Variants in TNS3 observed in about 807,000 individuals in gnomAD.
TNS3 encodes tensin-3.
A neutral mutation model predicts 140.9 loss-of-function variants in TNS3; 45 were observed. The observed-to-expected ratio is 0.32, with a 90% CI of 0.25 to 0.41. The LOEUF is 0.41. Among genes scored for constraint, TNS3 ranks in the 10% least tolerant of loss-of-function variants. TNS3 has a pLI of 1.00. For synonymous variants in TNS3, 815 were observed against 788.4 expected (o/e 1.03, Z -0.56); for missense variants, 1,716 against 1,906.7 (o/e 0.90, Z 1.86).
Position 47,358,378 on chromosome 7 carries a change from C to T in TNS3, c.2281+9987G>A, listed in dbSNP as rs62446283. Among the ~76,000 whole-genome samples, 1,054 of 152,298 alleles carry T rather than the reference C, an allele frequency of 6.9e-3. 12 individuals are homozygous for T. The highest frequency in any genetic ancestry group is 0.024 in the African/African-American group (991 of 41,552). ...AGTCTTGAACTCCTGACCTCGTGAT[C>T]CACCCACCGTGGCCTCTCAAAGTGT... On this transcript the variant is annotated intron_variant, in intron 17 of 30. Transcript: ENST00000311160.
At chr7:47,548,486 A>T (rs759434448) in intron 1 of TNS3, among the ~76,000 whole-genome samples, 2 of 152,078 alleles carry the variant, frequency 1.3e-5, no homozygotes, top group Non-Finnish European at 2.9e-5. Context: ...AGCCTGTCAG[A>T]CCCAGTAAGG....
chr7:47,513,215 G>T (rs1441346412), intron 2 of TNS3, among the ~76,000 whole-genome samples: 5 of 151,984 alleles, frequency 3.3e-5, no homozygotes, highest in Non-Finnish European at 7.4e-5. Flanking sequence ...TGTCACCCAG[G>T]CTGGAGTGCA....
At chr7:47,371,562 C>T (rs1381156953) in intron 16 of TNS3, among the ~76,000 whole-genome samples, 2 of 152,188 alleles carry the variant, frequency 1.3e-5, no homozygotes, top group African/African-American at 4.8e-5. Flanking sequence ...AAAGAGGTGG[C>T]ATTGAACTCA....
chr7:47,578,115 C>T (rs1192205543), intron 1 of TNS3, among the ~76,000 whole-genome samples: 1 of 151,728 alleles, frequency 6.6e-6, no homozygotes, highest in East Asian at 1.9e-4. Context: ...GAGTTCGAGA[C>T]CAGCCTAGCC....
intron 2 of TNS3, among the ~76,000 whole-genome samples, chr7:47,513,772 C>T (rs144064092): frequency 4.4e-4 from 67 of 152,360 alleles, no homozygotes; most frequent in Admixed American, 2.4e-3. Flanking sequence ...TACCCTCCGG[C>T]GTCTGAGCTG....
At chr7:47,389,436 A>T (rs1245580971) in intron 16 of TNS3, among the ~76,000 whole-genome samples, 1 of 152,162 alleles carries the variant, frequency 6.6e-6, no homozygotes, top group Non-Finnish European at 1.5e-5. Context: ...GGGTGATGCT[A>T]CTTAACTATT....
chr7:47,426,155 A>C (rs1794639545), intron 9 of TNS3, among the ~76,000 whole-genome samples: 1 of 152,024 alleles, frequency 6.6e-6, no homozygotes, highest in Non-Finnish European at 1.5e-5. Flanking sequence ...AGTGGCGGGC[A>C]CCAGTAATCC....
chr7:47,546,352 TC>T (rs1224279252), intron 1 of TNS3, among the ~76,000 whole-genome samples: 1 of 152,082 alleles, frequency 6.6e-6, no homozygotes, highest in Non-Finnish European at 1.5e-5. Context: ...GCACTGCTGT[TC>T]CGGAGCTGGA....
chr7:47,297,792 T>TG (rs1339218789), intron 23 of TNS3, among the ~76,000 whole-genome samples: 10 of 149,098 alleles, frequency 6.7e-5, no homozygotes, highest in African/African-American at 2.5e-4. Context: ...GAAGTTTTTT[T>TG]TTTTTTTTTT....
chr7:47,293,118 A>G (rs1785804883), intron 25 of TNS3, among the ~76,000 whole-genome samples: 1 of 152,258 alleles, frequency 6.6e-6, no homozygotes. Context: ...GGAACTGTTT[A>G]TCATTCTTAT....
intron 1 of TNS3, among the ~76,000 whole-genome samples, chr7:47,562,905 C>T (rs998793306): frequency 6.6e-6 from 1 of 152,206 alleles, no homozygotes; most frequent in East Asian, 1.9e-4. Flanking sequence ...TCAAGGCACA[C>T]GGAAGATGGG....
intron 4 of TNS3, among the ~76,000 whole-genome samples, chr7:47,449,174 G>A (rs1257347530): frequency 1.3e-5 from 2 of 152,236 alleles, no homozygotes; most frequent in African/African-American, 2.4e-5. Flanking sequence ...CGCCTGGCAC[G>A]GGTGCGTATC....
At chr7:47,447,353 C>T (rs869144) in intron 4 of TNS3, among the ~76,000 whole-genome samples, 79,068 of 151,414 alleles carry the variant, frequency 0.52, 21,491 homozygotes, top group Non-Finnish European at 0.61. Context: ...CAGCAGTGGG[C>T]GAGAGCAGAC....
Position 47,389,068 on chromosome 7 carries a change from A to AGTG in TNS3, c.1024+7731_1024+7732insCAC, listed in dbSNP as rs1562675025. Among the ~76,000 whole-genome samples, 14 of 59,840 alleles carry AGTG rather than the reference A, an allele frequency of 2.3e-4. 2 individuals carry two copies. The highest frequency in any genetic ancestry group is 9.8e-4 in the African/African-American group (14 of 14,230). The allele number at this position is 59,840 out of a possible 152,430, so 39.3% of individuals were successfully genotyped here. Reference sequence around the variant, plus strand: ...AAGAAGAAGAAGAAGAAGAAGAAGAAGAAGAAGAAGAAGAAGAGGAAGAGG... The same window carrying AGTG: ...AAGAAGAAGAAGAAGAAGAAGAAGAAGTGGAAGAAGAAGAAGAAGAGGAAGAGG... On this transcript the variant is annotated intron_variant, in intron 16 of 30. Coordinates refer to ENST00000311160, the MANE Select transcript of TNS3 (RefSeq NM_022748.12).
chr7:47,344,343 G>A (rs1352319751), intron 20 of TNS3, among the ~76,000 whole-genome samples: 1 of 152,172 alleles, frequency 6.6e-6, no homozygotes, highest in Non-Finnish European at 1.5e-5. Flanking sequence ...ATAACAGACA[G>A]GAGGGGCCAC....
At chr7:47,479,473 GCCCCCTACTCCCCCACC>G (rs1206014202) in intron 4 of TNS3, among the ~76,000 whole-genome samples, 1 of 98,658 alleles carries the variant, frequency 1.0e-5, no homozygotes, top group Non-Finnish European at 2.1e-5. Flanking sequence ...GTCCCCCCAC[GCCCCCTACTCCCCCACC>G]CCCCCGTCGG....
chr7:47,327,184 G>C (rs984437513), intron 20 of TNS3, among the ~76,000 whole-genome samples: 1 of 152,240 alleles, frequency 6.6e-6, no homozygotes, highest in Non-Finnish European at 1.5e-5. Context: ...TGGGAGGGAA[G>C]GGACAGTGAA....
intron 4 of TNS3, among the ~76,000 whole-genome samples, chr7:47,478,248 C>G (rs2964949): frequency 0.99 from 150,918 of 152,294 alleles, 74,786 homozygotes; most frequent in East Asian, 1. Context: ...CAATTCAGTA[C>G]GTCTGGGCTG....
At chr7:47,289,700 G>A (rs1270693924) in intron 27 of TNS3, among the ~76,000 whole-genome samples, 1 of 152,110 alleles carries the variant, frequency 6.6e-6, no homozygotes, top group Non-Finnish European at 1.5e-5. Flanking sequence ...CTATAGACAA[G>A]ATCTATATGA....
Sources: gnomAD v4.1 joint callset for allele counts (sites outside exome capture counted in the v4.1 genomes callset) on GRCh38, gnomAD v4.1.1 for gene constraint, MANE v1.5 for transcripts, NCBI Gene and HGNC (gene_info 2026-07-23, HGNC 2026-07-21) for gene names.